The following CDK14 variants were observed in gnomAD, a reference collection of about 807,000 sequenced individuals.
CDK14 encodes cyclin-dependent kinase 14.
A neutral mutation model predicts 60.7 loss-of-function variants in CDK14; 34 were observed. That is an observed-to-expected ratio of 0.56 (90% CI 0.43 to 0.75). The LOEUF (loss-of-function observed/expected upper bound fraction) is 0.75. Among genes scored for constraint, CDK14 ranks in the 30% least tolerant of loss-of-function variants. The probability of loss-of-function intolerance (pLI) is 0.00; values close to 1 mark genes in which losing one functional copy is unlikely to be tolerated. For missense variants in CDK14, 482 were observed against 564.1 expected, an observed-to-expected ratio of 0.85 and a Z score of 1.47; for synonymous variants, 197 against 203.7, an observed-to-expected ratio of 0.97 and a Z score of 0.28.
intron 4 of CDK14, among the ~76,000 whole-genome samples, chr7:90,789,481 A>G (rs1215142529): frequency 1.3e-5 from 2 of 152,152 alleles, no homozygotes; most frequent in South Asian, 2.1e-4. Context: ...ATTTGGATTG[A>G]AAATAATTGG....
intron 9 of CDK14, among the ~76,000 whole-genome samples, chr7:90,960,727 T>A (rs1794579607): frequency 6.6e-6 from 1 of 152,176 alleles, no homozygotes; most frequent in Non-Finnish European, 1.5e-5. Context: ...TCTTTAATGA[T>A]CTTTCTTGAG....
intron 14 of CDK14, among the ~76,000 whole-genome samples, chr7:91,174,391 G>A (rs983243682): frequency 2.0e-5 from 3 of 149,822 alleles, no homozygotes; most frequent in Non-Finnish European, 3.0e-5. Context: ...ACTCTAAAAC[G>A]CAGAGCGCCT....
intron 2 of CDK14, among the ~76,000 whole-genome samples, chr7:90,711,373 T>A (rs924148788): frequency 3.3e-5 from 5 of 151,480 alleles, no homozygotes; most frequent in African/African-American, 9.7e-5. Flanking sequence ...TTTTTTAAAC[T>A]TTTTTTTTCT....
intron 2 of CDK14, among the ~76,000 whole-genome samples, chr7:90,712,368 G>A (rs60486107): frequency 0.096 from 14,454 of 150,770 alleles, 756 homozygotes; most frequent in Non-Finnish European, 0.12. Flanking sequence ...GGCATTCTAG[G>A]TACCTCATAG....
intron 2 of CDK14, among the ~76,000 whole-genome samples, chr7:90,683,448 T>C (rs1280549927): frequency 6.6e-6 from 1 of 152,202 alleles, no homozygotes; most frequent in Non-Finnish European, 1.5e-5. Flanking sequence ...ATTTTATGCT[T>C]TTGTGCTTCA....
At chr7:91,003,409 G>A (rs149604100) in intron 10 of CDK14, among the ~76,000 whole-genome samples, 152 of 152,264 alleles carry the variant, frequency 1.0e-3, no homozygotes, top group African/African-American at 3.2e-3. Context: ...CAGCCATGGT[G>A]TGTTAGCTAG....
chr7:90,638,982 C>G (rs561721104), intron 2 of CDK14, among the ~76,000 whole-genome samples: 22 of 152,288 alleles, frequency 1.4e-4, no homozygotes, highest in African/African-American at 5.1e-4. Flanking sequence ...TCAGGTCCAT[C>G]AGCTCCTTTA....
intron 9 of CDK14, among the ~76,000 whole-genome samples, chr7:90,983,250 T>C (rs894394248): frequency 1.3e-5 from 2 of 152,074 alleles, no homozygotes; most frequent in African/African-American, 2.4e-5. Flanking sequence ...AAGATACACA[T>C]ACTCACGTAT....
intron 3 of CDK14, among the ~76,000 whole-genome samples, chr7:90,741,670 G>A (rs1412138285): frequency 1.3e-5 from 2 of 152,136 alleles, no homozygotes; most frequent in African/African-American, 4.8e-5. Flanking sequence ...ACTATTTTAT[G>A]GAAGAGATTA....
intron 6 of CDK14, among the ~76,000 whole-genome samples, chr7:90,891,988 A>G (rs911297159): frequency 6.6e-6 from 1 of 152,230 alleles, no homozygotes; most frequent in Non-Finnish European, 1.5e-5. Flanking sequence ...CACTTCATGA[A>G]TAATGTTAGG....
chr7:90,971,861 T>G (rs1050057879), intron 9 of CDK14, among the ~76,000 whole-genome samples: 1 of 152,182 alleles, frequency 6.6e-6, no homozygotes, highest in African/African-American at 2.4e-5. Flanking sequence ...GTTGGGCTTC[T>G]CAGTCTTCCG....
chr7:91,066,357 C>T (rs961968546), intron 11 of CDK14, among the ~76,000 whole-genome samples: 5 of 152,154 alleles, frequency 3.3e-5, no homozygotes, highest in African/African-American at 1.2e-4. Context: ...TGTCTGCTCA[C>T]TCCCACTCCT....
At chr7:90,770,812 A>C (rs1205529830) in intron 4 of CDK14, among the ~76,000 whole-genome samples, 2 of 152,162 alleles carry the variant, frequency 1.3e-5, no homozygotes, top group African/African-American at 4.8e-5. Flanking sequence ...CTCAAGCCCC[A>C]TCTATACCAG....
intron 12 of CDK14, among the ~76,000 whole-genome samples, chr7:91,104,577 G>T (rs1410686600): frequency 6.6e-6 from 1 of 152,126 alleles, no homozygotes; most frequent in African/African-American, 2.4e-5. Flanking sequence ...CAAAAAGATT[G>T]TCCAGTTCCC....
intron 14 of CDK14, among the ~76,000 whole-genome samples, chr7:91,180,160 A>G (rs965660244): frequency 1.3e-5 from 2 of 152,220 alleles, no homozygotes; most frequent in Admixed American, 6.5e-5. Context: ...AAGCACAACC[A>G]CATGATTAAC....
chr7:90,659,463 G>A (rs916493215), intron 2 of CDK14, among the ~76,000 whole-genome samples: 1 of 152,004 alleles, frequency 6.6e-6, no homozygotes, highest in Non-Finnish European at 1.5e-5. Flanking sequence ...ATAAATATAC[G>A]TTTCTTGCTG....
chr7:90,655,584 TAAATC>T (rs1800734375), intron 2 of CDK14, among the ~76,000 whole-genome samples: 1 of 152,202 alleles, frequency 6.6e-6, no homozygotes, highest in African/African-American at 2.4e-5. Context: ...ATATCTGACA[TAAATC>T]AAGTATAAAA....
At chr7:91,084,464 C>CT (rs1459067544) in intron 12 of CDK14, among the ~76,000 whole-genome samples, 2 of 152,358 alleles carry the variant, frequency 1.3e-5, no homozygotes, top group East Asian at 1.9e-4. Context: ...TTGTGACAGT[C>CT]TAAGTGCCAG....
chr7:90,739,920 G>A (rs933280234), intron 3 of CDK14, among the ~76,000 whole-genome samples: 1 of 152,070 alleles, frequency 6.6e-6, no homozygotes, highest in Non-Finnish European at 1.5e-5. Context: ...GTTTCCTGGT[G>A]ATGAAAAATG....
Sources: gnomAD v4.1 joint callset for allele counts (sites outside exome capture counted in the v4.1 genomes callset) on GRCh38, gnomAD v4.1.1 for gene constraint, MANE v1.5 for transcripts, NCBI Gene and HGNC (gene_info 2026-07-23, HGNC 2026-07-21) for gene names.